GABRG3: variants seen among roughly 807,000 people sequenced by gnomAD.
The protein encoded by GABRG3 is gamma-aminobutyric acid type A receptor subunit gamma3.
A neutral mutation model predicts 48.8 loss-of-function variants in GABRG3; 25 were observed. The observed-to-expected ratio is 0.51, with a 90% CI of 0.37 to 0.72. GABRG3 has a LOEUF of 0.72. Among genes scored for constraint, GABRG3 ranks in the 30% least tolerant of loss-of-function variants. The pLI, the probability that GABRG3 is intolerant of heterozygous loss-of-function variation, is 0.00. For missense variants in GABRG3, 394 were observed against 577.9 expected (o/e 0.68, Z 3.26); for synonymous variants, 227 against 217.6 (o/e 1.04, Z -0.38).
intron 3 of GABRG3, among the ~76,000 whole-genome samples, chr15:27,051,717 C>CA (rs1178800813): frequency 2.0e-5 from 3 of 152,206 alleles, no homozygotes; most frequent in Admixed American, 6.5e-5. Context: ...GATTCAAGTG[C>CA]ATTACATTTA....
intron 2 of GABRG3, among the ~76,000 whole-genome samples, chr15:26,986,764 G>A (rs533853501): frequency 4.7e-4 from 71 of 152,196 alleles, no homozygotes; most frequent in African/African-American, 1.7e-3. Flanking sequence ...TGAATATTCA[G>A]CTCAGTTCAT....
At chr15:27,425,465 A>ATAG (rs375548393) in intron 5 of GABRG3, among the ~76,000 whole-genome samples, 5 of 150,486 alleles carry the variant, frequency 3.3e-5, no homozygotes, top group Non-Finnish European at 3.0e-5. Context: ...AAAAAAAAAA[A>ATAG]ATAGGCGTGG....
At chr15:27,442,544 T>C (rs1405878311) in intron 5 of GABRG3, among the ~76,000 whole-genome samples, 1 of 152,154 alleles carries the variant, frequency 6.6e-6, no homozygotes, top group African/African-American at 2.4e-5. Flanking sequence ...CGCATCCTAG[T>C]CCAGGCTTCT....
rs1011771564 is a variant in GABRG3, at chr15:27,191,074, C to T, written c.271-135735C>T. Among the ~76,000 whole-genome samples, 20 of 152,302 alleles carry T rather than the reference C, an allele frequency of 1.3e-4. No homozygotes were observed. The East Asian group carries it at 3.3e-3, about 25-fold the overall frequency. On this transcript the variant is annotated intron_variant, in intron 3 of 9. Transcript: ENST00000615808. ...TTAATCCTGAGTTCTAGTTTGATTG[C>T]ACTGTGGTCTGAGAGATAGTTTTGT... is the stretch of plus-strand genomic sequence containing the variant.
chr15:27,269,670 A>G (rs1346566075), intron 3 of GABRG3, among the ~76,000 whole-genome samples: 1 of 152,306 alleles, frequency 6.6e-6, no homozygotes, highest in South Asian at 2.1e-4. Flanking sequence ...TTTGTGTCTC[A>G]GGCCCTGCGT....
chr15:27,238,117 G>A (rs951644655), intron 3 of GABRG3, among the ~76,000 whole-genome samples: 1 of 100,050 alleles, frequency 1.0e-5, no homozygotes, highest in African/African-American at 2.7e-5. Context: ...TCTGTGTCTC[G>A]CAGACAGCAG....
chr15:27,035,500 A>G (rs1159740175), intron 3 of GABRG3, among the ~76,000 whole-genome samples: 2 of 151,692 alleles, frequency 1.3e-5, no homozygotes, highest in African/African-American at 4.9e-5. Flanking sequence ...TCACAATGTG[A>G]GCTACATAAT....
intron 5 of GABRG3, among the ~76,000 whole-genome samples, chr15:27,466,738 G>A (rs1353842558): frequency 6.6e-6 from 1 of 152,202 alleles, no homozygotes; most frequent in African/African-American, 2.4e-5. Context: ...GAGGAAAGTG[G>A]CAGAGGGAAG....
intron 3 of GABRG3, among the ~76,000 whole-genome samples, chr15:27,262,880 T>A (rs571920291): frequency 6.6e-6 from 1 of 152,342 alleles, no homozygotes; most frequent in African/African-American, 2.4e-5. Flanking sequence ...ATATGTTTCC[T>A]CTTTCTTTCT....
intron 5 of GABRG3, among the ~76,000 whole-genome samples, chr15:27,359,305 T>C (rs1357559272): frequency 6.6e-6 from 1 of 152,268 alleles, no homozygotes; most frequent in African/African-American, 2.4e-5. Flanking sequence ...GCTGCTTTGC[T>C]TAAAATGTTA....
chr15:27,380,426 T>G (rs1341001272), intron 5 of GABRG3, among the ~76,000 whole-genome samples: 12 of 128,046 alleles, frequency 9.4e-5, no homozygotes, highest in African/African-American at 2.0e-4. Flanking sequence ...GTGTGTGTGG[T>G]TTTTTTTTTG....
At chr15:26,990,444 C>A (rs1895226641) in intron 2 of GABRG3, among the ~76,000 whole-genome samples, 1 of 152,140 alleles carries the variant, frequency 6.6e-6, no homozygotes, top group Non-Finnish European at 1.5e-5. Flanking sequence ...CTATTAGAAT[C>A]TTTTGCCCAT....
intron 3 of GABRG3, among the ~76,000 whole-genome samples, chr15:27,279,038 A>C (rs943198824): frequency 7.9e-5 from 12 of 152,296 alleles, no homozygotes; most frequent in African/African-American, 2.9e-4. Flanking sequence ...TTCCGGAACT[A>C]AGGTTAATGA....
intron 2 of GABRG3, among the ~76,000 whole-genome samples, chr15:26,990,603 T>A (rs1345760182): frequency 6.6e-6 from 1 of 152,180 alleles, no homozygotes; most frequent in Admixed American, 6.5e-5. Flanking sequence ...TTGTTGATTG[T>A]TTGCTTTGCT....
chr15:27,324,667 G>A (rs1893545878), intron 3 of GABRG3, among the ~76,000 whole-genome samples: 1 of 152,144 alleles, frequency 6.6e-6, no homozygotes, highest in Non-Finnish European at 1.5e-5. Context: ...TGGTTCCTTT[G>A]GCAGAACTTC....
intron 3 of GABRG3, among the ~76,000 whole-genome samples, chr15:27,264,748 A>G (rs573898208): frequency 1.3e-5 from 2 of 152,236 alleles, no homozygotes; most frequent in South Asian, 4.1e-4. Flanking sequence ...CCATTATTCC[A>G]AAGTCAAGCC....
At chr15:27,059,293 C>T (rs1417544943) in intron 3 of GABRG3, among the ~76,000 whole-genome samples, 1 of 152,196 alleles carries the variant, frequency 6.6e-6, no homozygotes, top group African/African-American at 2.4e-5. Flanking sequence ...CAGCCAGCTA[C>T]AGGTGGTTTG....
chr15:27,087,985 G>T (rs1897109789), intron 3 of GABRG3, among the ~76,000 whole-genome samples: 1 of 150,234 alleles, frequency 6.7e-6, no homozygotes, highest in Middle Eastern at 3.2e-3. Flanking sequence ...GCATGTGCGT[G>T]TCTCTGTGTG....
At chr15:27,197,173 G>A (rs542094613) in intron 3 of GABRG3, among the ~76,000 whole-genome samples, 8 of 152,218 alleles carry the variant, frequency 5.3e-5, no homozygotes, top group South Asian at 2.1e-4. Context: ...TACTAAATGC[G>A]TTTTGGATTC....
Sources: gnomAD v4.1 joint callset for allele counts (sites outside exome capture counted in the v4.1 genomes callset) on GRCh38, gnomAD v4.1.1 for gene constraint, MANE v1.5 for transcripts, NCBI Gene and HGNC (gene_info 2026-07-23, HGNC 2026-07-21) for gene names.